NELL2: variants seen among roughly 807,000 people sequenced by gnomAD.
The protein encoded by NELL2 is neural EGFL like 2, also known as protein kinase C-binding protein NELL2.
In NELL2, 41 loss-of-function variants were observed where a neutral mutation model predicts 109.6. The observed-to-expected ratio is 0.37, with a 90% confidence interval of 0.29 to 0.49. The LOEUF (loss-of-function observed/expected upper bound fraction) is 0.49, where lower values mean the gene tolerates loss of function less well. NELL2 is among the 20% of genes least tolerant of loss of function. The probability of loss-of-function intolerance (pLI) is 0.98; values close to 1 mark genes in which losing one functional copy is unlikely to be tolerated. For missense variants in NELL2, 900 were observed against 1,008.3 expected, an observed-to-expected ratio of 0.89 and a Z score of 1.45; for synonymous variants, 355 against 344.7, an observed-to-expected ratio of 1.03 and a Z score of -0.33.
At chr12:44,755,780 A>G (rs181951163) in intron 9 of NELL2, among the ~76,000 whole-genome samples, 7 of 152,258 alleles carry the variant, frequency 4.6e-5, no homozygotes, top group Non-Finnish European at 5.9e-5. Flanking sequence ...TATCCAATAT[A>G]AATATCTTTA....
At chr12:44,750,118 A>G (rs1940585029) in intron 9 of NELL2, among the ~76,000 whole-genome samples, 1 of 152,102 alleles carries the variant, frequency 6.6e-6, no homozygotes, top group Admixed American at 6.5e-5. Flanking sequence ...GAACTAGAAA[A>G]GTGTCATTCT....
intron 12 of NELL2, among the ~76,000 whole-genome samples, chr12:44,683,849 A>C (rs1413506884): frequency 6.6e-6 from 1 of 152,132 alleles, no homozygotes; most frequent in Non-Finnish European, 1.5e-5. Context: ...TTTTTGCATC[A>C]ATGTTCATTA....
At chr12:44,779,212 A>C (rs1449004810) in intron 5 of NELL2, among the ~76,000 whole-genome samples, 3 of 152,222 alleles carry the variant, frequency 2.0e-5, no homozygotes, top group Non-Finnish European at 2.9e-5. Context: ...TTCTCTTTTG[A>C]CAGATTTGTG....
upstream of NELL2, chr12:44,876,889 T>G: frequency 1.6e-6 from 2 of 1,275,672 alleles, no homozygotes; most frequent in Non-Finnish European, 2.0e-6. Flanking sequence ...AAGCCCCGGG[T>G]GTCCTGGTGG....
intron 12 of NELL2, among the ~76,000 whole-genome samples, chr12:44,678,904 T>C (rs893878608): frequency 6.6e-6 from 1 of 152,020 alleles, no homozygotes; most frequent in African/African-American, 2.4e-5. Context: ...GGAGAAAGTC[T>C]GAGATGAAGA....
intron 15 of NELL2, among the ~76,000 whole-genome samples, chr12:44,595,948 C>T (rs931856163): frequency 1.3e-5 from 2 of 152,120 alleles, no homozygotes; most frequent in Admixed American, 1.3e-4. Flanking sequence ...TAAAGCCTTC[C>T]CCTGTAAATT....
At chr12:44,589,489 T>G (rs1944665340) in intron 15 of NELL2, among the ~76,000 whole-genome samples, 1 of 152,096 alleles carries the variant, frequency 6.6e-6, no homozygotes, top group Non-Finnish European at 1.5e-5. Flanking sequence ...GTTCAAATGA[T>G]TCTCCTGCCT....
At chr12:44,686,469 C>A (rs1424735258) in intron 12 of NELL2, among the ~76,000 whole-genome samples, 1 of 152,184 alleles carries the variant, frequency 6.6e-6, no homozygotes, top group East Asian at 1.9e-4. Context: ...GAACTGCGTT[C>A]CTTTGGAGGA....
intron 9 of NELL2, among the ~76,000 whole-genome samples, chr12:44,726,608 G>C (rs897407171): frequency 6.6e-6 from 1 of 152,068 alleles, no homozygotes; most frequent in Non-Finnish European, 1.5e-5. Context: ...GTTTAGATGT[G>C]TTATACTTAA....
chr12:44,527,705 T>C (rs1032598072), intron 16 of NELL2, among the ~76,000 whole-genome samples: 1 of 152,194 alleles, frequency 6.6e-6, no homozygotes, highest in Admixed American at 6.5e-5. Context: ...AATATTACAA[T>C]TCTACACATC....
At chr12:44,585,496 G>A (rs1389381807) in intron 15 of NELL2, among the ~76,000 whole-genome samples, 2 of 152,126 alleles carry the variant, frequency 1.3e-5, no homozygotes, top group Middle Eastern at 6.8e-3. Context: ...CAGCTACTCA[G>A]GAGGCTGAGG....
chr12:44,753,612 T>C (rs1257887758), intron 9 of NELL2, among the ~76,000 whole-genome samples: 1 of 152,180 alleles, frequency 6.6e-6, no homozygotes, highest in East Asian at 1.9e-4. Flanking sequence ...CATGCCCTAT[T>C]TTTAATACTT....
Position 44,781,264 on chromosome 12 carries a change from A to C in NELL2, c.336-1242T>G, listed in dbSNP as rs142481284. ...AATAATGGAAATGAAAGCTCAGTGG[A>C]TAAAGCTAAACAGCAGAATGGAAGT... On this transcript the variant is annotated intron_variant, in intron 3 of 19. Coordinates refer to ENST00000429094, the MANE Select transcript of NELL2 (RefSeq NM_001145108.2). Among the ~76,000 whole-genome samples the C allele has an allele frequency of 7.9e-5, 12 of 152,186 alleles. 1 individual carries two copies. In the South Asian group the frequency reaches 2.5e-3, roughly 32 times the overall value.
At chr12:44,877,593 G>A (rs1177144446), upstream of NELL2, among the ~76,000 whole-genome samples, 1 of 152,082 alleles carries the variant, frequency 6.6e-6, no homozygotes, top group African/African-American at 2.4e-5. Context: ...TGCAAGGCAG[G>A]AGTATAATAT....
At chr12:44,755,323 C>T (rs1940838548) in intron 9 of NELL2, among the ~76,000 whole-genome samples, 1 of 152,158 alleles carries the variant, frequency 6.6e-6, no homozygotes. Flanking sequence ...CAAAAAATAT[C>T]TGCTCTTTCA....
At chr12:44,654,930 T>C (rs990649582) in intron 13 of NELL2, among the ~76,000 whole-genome samples, 1 of 152,152 alleles carries the variant, frequency 6.6e-6, no homozygotes, top group Non-Finnish European at 1.5e-5. Flanking sequence ...CTGGCTAACA[T>C]GTCAAAGCCA....
In NELL2 at chr12:44,646,269, C is replaced by T. The variant is rs186713997; in HGVS notation, c.1444+19215G>A. On this transcript the variant is annotated intron_variant, in intron 13 of 19. Coordinates refer to ENST00000429094, the MANE Select transcript of NELL2 (RefSeq NM_001145108.2). ...GGAAATGGAAGCACTGAGAGTTAAG[C>T]AACTTCCAAAAGGTCACACAGTTAA... 3.3e-5 allele frequency among the ~76,000 whole-genome samples: 5 copies of T among 152,224 alleles called. 1 individual carries two copies.
At chr12:44,703,069 C>T (rs950313579) in intron 12 of NELL2, among the ~76,000 whole-genome samples, 1 of 152,178 alleles carries the variant, frequency 6.6e-6, no homozygotes. Flanking sequence ...AGGAATGATT[C>T]AAATCCATAC....
intron 8 of NELL2, among the ~76,000 whole-genome samples, chr12:44,775,154 C>T (rs1275509748): frequency 6.7e-6 from 1 of 149,298 alleles, no homozygotes; most frequent in African/African-American, 2.6e-5. Flanking sequence ...ACCTTTGCTC[C>T]CCATTTAAAA....
Sources: allele counts gnomAD v4.1 joint callset (sites outside exome capture counted in the v4.1 genomes callset), GRCh38; gene constraint gnomAD v4.1.1; transcripts MANE v1.5; gene names NCBI Gene and HGNC (gene_info 2026-07-23, HGNC 2026-07-21).